The following DLC1 variants were observed in gnomAD, a reference collection of about 807,000 sequenced individuals.
DLC1 encodes rho GTPase-activating protein 7.
Under a neutral mutation model 140.3 loss-of-function variants are expected in DLC1, and 54 were observed. That is an observed-to-expected ratio of 0.38 (90% CI 0.31 to 0.48). The LOEUF (loss-of-function observed/expected upper bound fraction) is 0.48, where lower values mean the gene tolerates loss of function less well. Ranked by LOEUF, DLC1 falls within the 20% of genes least tolerant of loss-of-function variation. The pLI is 0.96. For missense variants in DLC1, 2,536 were observed against 1,907.0 expected, an observed-to-expected ratio of 1.33 and a Z score of -6.14; for synonymous variants, 986 against 728.1, an observed-to-expected ratio of 1.35 and a Z score of -5.70.
At chr8:13,211,058 C>A (rs1361195679) in intron 5 of DLC1, among the ~76,000 whole-genome samples, 4 of 152,046 alleles carry the variant, frequency 2.6e-5, no homozygotes, top group Non-Finnish European at 5.9e-5. Flanking sequence ...CAGGATGTGG[C>A]AAAGAAACTG....
intron 8 of DLC1, 31 bp from the exon 9 acceptor site, chr8:13,100,801 C>T (rs770437967): frequency 7.9e-6 from 12 of 1,525,836 alleles, no homozygotes; most frequent in East Asian, 2.3e-5. Flanking sequence ...CATTCACACA[C>T]TGGGGCTGGC....
chr8:13,357,926 T>C (rs895126798), intron 4 of DLC1, among the ~76,000 whole-genome samples: 5 of 152,192 alleles, frequency 3.3e-5, no homozygotes, highest in Admixed American at 6.5e-5. Context: ...AAATTCTGCC[T>C]ATGGTACAGA....
At chr8:13,245,915 T>C (rs568097903) in intron 5 of DLC1, among the ~76,000 whole-genome samples, 1 of 152,228 alleles carries the variant, frequency 6.6e-6, no homozygotes, top group East Asian at 1.9e-4. Context: ...TTGGACAGGC[T>C]GGTCTTGAAC....
intron 1 of DLC1, among the ~76,000 whole-genome samples, chr8:13,504,119 G>T (rs1390005779): frequency 1.6e-5 from 2 of 125,860 alleles, no homozygotes; most frequent in East Asian, 3.2e-4. Flanking sequence ...ACATTTCAGA[G>T]AATTTTTTTT....
At chr8:13,598,366 C>T (rs1585317651) in intron 1 of DLC1, among the ~76,000 whole-genome samples, 1 of 151,340 alleles carries the variant, frequency 6.6e-6, no homozygotes, top group Non-Finnish European at 1.5e-5. Context: ...CTCTACCTGT[C>T]TCTGTGGGGA....
intron 4 of DLC1, among the ~76,000 whole-genome samples, chr8:13,386,895 G>A (rs1173733460): frequency 6.6e-6 from 1 of 151,962 alleles, no homozygotes; most frequent in Non-Finnish European, 1.5e-5. Context: ...CTTACCAACA[G>A]AAGCAAATCT....
At chr8:13,364,920 G>A (rs1835408164) in intron 4 of DLC1, among the ~76,000 whole-genome samples, 2 of 152,178 alleles carry the variant, frequency 1.3e-5, no homozygotes, top group South Asian at 4.1e-4. Context: ...TAATTGCAAT[G>A]TTTGTTTTCT....
intron 1 of DLC1, among the ~76,000 whole-genome samples, chr8:13,572,458 CTT>C (rs1804695643): frequency 6.6e-6 from 1 of 152,052 alleles, no homozygotes; most frequent in African/African-American, 2.4e-5. Context: ...TTGATAGTGT[CTT>C]TTTATACACA....
intron 5 of DLC1, among the ~76,000 whole-genome samples, chr8:13,184,971 T>G (rs1826268427): frequency 6.6e-6 from 1 of 152,164 alleles, no homozygotes; most frequent in Non-Finnish European, 1.5e-5. Flanking sequence ...GCTTTATGAA[T>G]CTGGGTGCTC....
chr8:13,172,279 G>T (rs1017521229), intron 5 of DLC1, among the ~76,000 whole-genome samples: 1 of 152,186 alleles, frequency 6.6e-6, no homozygotes, highest in African/African-American at 2.4e-5. Context: ...CTGATAGGGT[G>T]TGGCCAGCTG....
intron 4 of DLC1, among the ~76,000 whole-genome samples, chr8:13,378,017 T>G (rs981016620): frequency 1.3e-5 from 2 of 151,096 alleles, no homozygotes; most frequent in African/African-American, 4.8e-5. Context: ...CTCTTTTAAG[T>G]GTTAATGATG....
intron 6 of DLC1, among the ~76,000 whole-genome samples, chr8:13,111,766 G>A (rs922709025): frequency 1.6e-4 from 24 of 152,250 alleles, no homozygotes; most frequent in African/African-American, 5.3e-4. Context: ...AGGAAGAGGA[G>A]TGTCTCGGTG....
At chr8:13,495,922 T>C (rs1801479499) in intron 2 of DLC1, among the ~76,000 whole-genome samples, 1 of 152,244 alleles carries the variant, frequency 6.6e-6, no homozygotes, top group African/African-American at 2.4e-5. Flanking sequence ...GAAATCAATG[T>C]GCACAAATTT....
At chr8:13,501,582 A>C (rs1447792828) in intron 1 of DLC1, among the ~76,000 whole-genome samples, 2 of 152,300 alleles carry the variant, frequency 1.3e-5, no homozygotes, top group South Asian at 2.1e-4. Flanking sequence ...TGACTCCCCA[A>C]CAAAAATTTC....
At chr8:13,118,581 A>G (rs1046381985) in intron 5 of DLC1, among the ~76,000 whole-genome samples, 1 of 152,236 alleles carries the variant, frequency 6.6e-6, no homozygotes, top group African/African-American at 2.4e-5. Context: ...AACTGTAAAA[A>G]GTTGTCACAT....
At chr8:13,317,346 A>C (rs547746301) in intron 4 of DLC1, among the ~76,000 whole-genome samples, 6 of 152,204 alleles carry the variant, frequency 3.9e-5, no homozygotes, top group Non-Finnish European at 8.8e-5. Context: ...CCATTAAATA[A>C]TTTGAACATT....
At chr8:13,486,149 G>T (rs1800957726) in intron 2 of DLC1, among the ~76,000 whole-genome samples, 1 of 152,168 alleles carries the variant, frequency 6.6e-6, no homozygotes, top group Non-Finnish European at 1.5e-5. Context: ...TGACCATGGG[G>T]AAGGAGTACA....
rs181329345 is a variant in DLC1, at chr8:13,167,073, C to T, written c.1349-51416G>A. On this transcript the variant is annotated intron_variant, in intron 5 of 17. Coordinates refer to ENST00000276297, the MANE Select transcript of DLC1 (RefSeq NM_182643.3). ...GAATTCTGAATGAACATGAAAAAGG[C>T]CCTAGTATATATTGAGCTGAACTAC... Among the ~76,000 whole-genome samples the T allele has an allele frequency of 1.4e-3, 209 of 152,134 alleles. No homozygotes were observed. In the Middle Eastern group the frequency reaches 0.031, roughly 22 times the overall value.
At chr8:13,205,862 A>G (rs1429131374) in intron 5 of DLC1, among the ~76,000 whole-genome samples, 3 of 152,226 alleles carry the variant, frequency 2.0e-5, no homozygotes, top group Non-Finnish European at 2.9e-5. Context: ...GAAGAGCAAG[A>G]GACCATTGAC....
Sources: gnomAD v4.1 joint callset for allele counts (sites outside exome capture counted in the v4.1 genomes callset) on GRCh38, gnomAD v4.1.1 for gene constraint, MANE v1.5 for transcripts, NCBI Gene and HGNC (gene_info 2026-07-23, HGNC 2026-07-21) for gene names.